TMEM108: variants seen among roughly 807,000 people sequenced by gnomAD.
TMEM108 encodes the protein cancer/testis antigen 124.
Under a neutral mutation model 35.1 loss-of-function variants are expected in TMEM108, and 12 were observed. The observed-to-expected ratio is 0.34, with a 90% CI of 0.22 to 0.55. TMEM108 has a LOEUF of 0.55. TMEM108 is among the 20% of genes least tolerant of loss of function. TMEM108 has a pLI of 0.89. For synonymous variants in TMEM108, 287 were observed against 308.6 expected, an observed-to-expected ratio of 0.93 and a Z score of 0.73; for missense variants, 680 against 753.3, an observed-to-expected ratio of 0.90 and a Z score of 1.14.
At chr3:133,041,864 A>T (rs1002564087) in intron 1 of TMEM108, 6 of 152,254 alleles carry the variant, frequency 3.9e-5, no homozygotes, top group Non-Finnish European at 8.8e-5. Context: ...TGGTAAGTAC[A>T]TGCTCTGAAG....
intron 2 of TMEM108, among the ~76,000 whole-genome samples, chr3:133,224,168 G>A (rs955961140): frequency 2.6e-5 from 4 of 151,564 alleles, no homozygotes; most frequent in Non-Finnish European, 5.9e-5. Context: ...TTCATTCATT[G>A]TTTATTTACT....
rs1158650593 is a variant in TMEM108, at chr3:133,382,773, AC to A, written c.1450+1614del. ...CAGGAGGTTTATGCCTTTAATGCGA[AC>A]CATGATTTCCACTTGGCCTTGTGTT... On this transcript the variant is annotated intron_variant, in intron 4 of 5. Coordinates refer to ENST00000321871, the MANE Select transcript of TMEM108 (RefSeq NM_023943.4). Among the ~76,000 whole-genome samples the A allele has an allele frequency of 9.2e-5, 14 of 152,288 alleles. 1 individual carries two copies. The highest frequency in any genetic ancestry group is 3.4e-4 in the African/African-American group (14 of 41,550).
intron 2 of TMEM108, among the ~76,000 whole-genome samples, chr3:133,162,871 C>T (rs956146183): frequency 3.9e-5 from 6 of 152,286 alleles, no homozygotes; most frequent in Admixed American, 3.3e-4. Context: ...TCAGAGTTCC[C>T]AGCTGCATTC....
chr3:133,073,566 G>T (rs1291080636), intron 2 of TMEM108, among the ~76,000 whole-genome samples: 1 of 129,574 alleles, frequency 7.7e-6, no homozygotes, highest in Non-Finnish European at 1.6e-5. Context: ...ATCTGTTGAT[G>T]GTCACTTAAG....
At chr3:133,188,430 T>TC (rs980474490) in intron 2 of TMEM108, among the ~76,000 whole-genome samples, 1 of 151,464 alleles carries the variant, frequency 6.6e-6, no homozygotes, top group Non-Finnish European at 1.5e-5. Flanking sequence ...TGTTCCTTTT[T>TC]TTTTTTTTAT....
At chr3:133,208,400 G>A (rs550389745) in intron 2 of TMEM108, among the ~76,000 whole-genome samples, 2 of 152,312 alleles carry the variant, frequency 1.3e-5, no homozygotes, top group East Asian at 3.9e-4. Flanking sequence ...ATCTATCCAG[G>A]TGTAAACTTG....
intron 3 of TMEM108, among the ~76,000 whole-genome samples, chr3:133,372,295 G>A (rs1037364203): frequency 1.3e-5 from 2 of 152,142 alleles, no homozygotes; most frequent in African/African-American, 4.8e-5. Context: ...AGAAACCTGG[G>A]TTTAAATCCT....
In TMEM108 at chr3:133,389,052, C is replaced by G. The variant is rs569924619; in HGVS notation, c.1451-1128C>G. ...CCCCAGAGGCTCTGGTGATGATGAA[C>G]CTGGGGCAGGATATACTCAGTCCTC... On this transcript the variant is annotated intron_variant, in intron 4 of 5. Coordinates refer to ENST00000321871, the MANE Select transcript of TMEM108 (RefSeq NM_023943.4). The G allele has an allele frequency of 9.1e-6, 9 of 985,470 alleles. No individual in the cohort carries two copies. The East Asian group carries it at 3.4e-4, about 37-fold the overall frequency. The allele number at this position is 985,470 out of a possible 1,614,324, so 61.0% of individuals were successfully genotyped here.
intron 2 of TMEM108, among the ~76,000 whole-genome samples, chr3:133,101,939 A>G (rs1944093849): frequency 6.6e-6 from 1 of 152,192 alleles, no homozygotes; most frequent in Admixed American, 6.6e-5. Context: ...CCAGTCTTGT[A>G]TGGCTGCCTC....
chr3:133,376,648 G>A (rs62280872), intron 3 of TMEM108, among the ~76,000 whole-genome samples: 5,185 of 152,128 alleles, frequency 0.034, 146 homozygotes, highest in Admixed American at 0.055. Context: ...ACAATTTGAG[G>A]TGCAGCCTAC....
chr3:133,380,150 C>T lies in TMEM108; in HGVS notation c.439C>T (p.Pro147Ser). The T allele has an allele frequency of 3.1e-6, 5 of 1,613,172 alleles. No homozygotes were observed. The highest frequency in any genetic ancestry group is 2.2e-5 in the South Asian group (2 of 91,032). Residue 147 changes from proline to serine, a missense_variant, in exon 4 of 6, where the codon CCG (proline) becomes TCG (serine). Pro to Ser is a moderately conservative substitution (Grantham distance 74, BLOSUM62 -1). Coordinates refer to ENST00000321871, the MANE Select transcript of TMEM108 (RefSeq NM_023943.4). The surrounding 1 kb of genome is among the most constrained non-coding windows in gnomAD (Gnocchi z 5.3). Reference sequence around the variant, plus strand: ...CCCCACCATCCTGCTGACAAAGCCACCGGGGGCCACCAGCCGCCCCACCAC... The same window carrying T: ...CCCCACCATCCTGCTGACAAAGCCATCGGGGGCCACCAGCCGCCCCACCAC... Reference protein sequence around the residue: ...AAPTILLTKPPGATSRPTTAP... With the variant: ...AAPTILLTKPSGATSRPTTAP...
intron 4 of TMEM108, chr3:133,388,278 CAG>C: frequency 1.0e-6 from 1 of 985,070 alleles, no homozygotes. Flanking sequence ...ACAGAGACAC[CAG>C]AGAAGGGGAC....
intron 2 of TMEM108, among the ~76,000 whole-genome samples, chr3:133,082,981 T>G (rs1943832241): frequency 6.6e-6 from 1 of 152,076 alleles, no homozygotes; most frequent in Admixed American, 6.6e-5. Context: ...AAATACTCAT[T>G]TAATGCCCAC....
intron 3 of TMEM108, among the ~76,000 whole-genome samples, chr3:133,259,452 T>C (rs1946593663): frequency 6.6e-6 from 1 of 152,244 alleles, no homozygotes; most frequent in South Asian, 2.1e-4. Context: ...GCCCCACTGC[T>C]TTCGCATATT....
chr3:133,145,275 G>C (rs1052436090), intron 2 of TMEM108, among the ~76,000 whole-genome samples: 4 of 152,152 alleles, frequency 2.6e-5, no homozygotes, highest in African/African-American at 7.2e-5. Context: ...GATGGTTGTA[G>C]ATGTGTGGTG....
At chr3:133,197,725 T>C (rs1945600040) in intron 2 of TMEM108, among the ~76,000 whole-genome samples, 1 of 152,182 alleles carries the variant, frequency 6.6e-6, no homozygotes, top group Admixed American at 6.5e-5. Context: ...TGTATGGAAC[T>C]GTGCAGTCAT....
intron 3 of TMEM108, among the ~76,000 whole-genome samples, chr3:133,283,183 G>C (rs1042530226): frequency 1.3e-5 from 2 of 152,214 alleles, no homozygotes; most frequent in Non-Finnish European, 2.9e-5. Context: ...TTTTTGTAAA[G>C]AGTGAGGTGG....
At chr3:133,332,756 A>G (rs1041385786) in intron 3 of TMEM108, among the ~76,000 whole-genome samples, 6 of 152,170 alleles carry the variant, frequency 3.9e-5, no homozygotes, top group African/African-American at 1.4e-4. Flanking sequence ...CCTATCCTTT[A>G]AGTTGATCAT....
chr3:133,387,381 C>A, intron 4 of TMEM108: 2 of 985,438 alleles, frequency 2.0e-6, no homozygotes, highest in South Asian at 4.7e-5. Flanking sequence ...GTTTGAGAAG[C>A]ACTGGAAACT....
Sources: gnomAD v4.1 joint callset for allele counts (sites outside exome capture counted in the v4.1 genomes callset) on GRCh38, gnomAD v4.1.1 for gene constraint, Gnocchi (gnomAD v3.1) non-coding constraint, MANE v1.5 for transcripts, NCBI Gene and HGNC (gene_info 2026-07-23, HGNC 2026-07-21) for gene names.